The following KALRN variants were observed in gnomAD, a reference collection of about 807,000 sequenced individuals.
The protein encoded by KALRN is kalirin.
Under a neutral mutation model 353.7 loss-of-function variants are expected in KALRN, and 70 were observed. The observed-to-expected ratio is 0.20, with a 90% CI of 0.16 to 0.24. The LOEUF is 0.24. Among genes scored for constraint, KALRN ranks in the 10% least tolerant of loss-of-function variants. KALRN has a pLI of 1.00. For missense variants in KALRN, 2,791 were observed against 3,756.7 expected, an observed-to-expected ratio of 0.74 and a Z score of 6.72; for synonymous variants, 1,391 against 1,434.8, an observed-to-expected ratio of 0.97 and a Z score of 0.69.
At chr3:124,283,592 G>A (rs2075554399) in intron 5 of KALRN, among the ~76,000 whole-genome samples, 1 of 152,148 alleles carries the variant, frequency 6.6e-6, no homozygotes, top group Non-Finnish European at 1.5e-5. Flanking sequence ...GGTAATGAGT[G>A]TGTTGCCAGT....
rs2148579012 is a variant in KALRN, at chr3:124,234,880, A to G, written c.200A>G (p.Asn67Ser). The G allele has an allele frequency of 1.2e-6, 2 of 1,609,790 alleles. No homozygotes were observed. The highest frequency in any genetic ancestry group is 2.2e-5 in the East Asian group (1 of 44,694). ...GPILTFPARS[N>S]HDRIRQEDLR... is the part of the protein sequence containing the mutation. The stretch of plus-strand genomic sequence containing the variant: ...ATCCTGACCTTCCCTGCTCGCAGCA[A>G]TCATGACAGAATAAGACAGGAAGAC... The change falls in exon 3 of 60, where the codon AAT becomes AGT. Residue 67 changes from asparagine (N) to serine (S), a missense_variant. By Grantham distance (46) the Asn-to-Ser change is conservative. This residue lies in a region of KALRN where 110 missense variants were observed against 204.1 expected (regional missense o/e 0.54). Transcript: ENST00000682506.
chr3:124,297,106 A>G (rs2076907556), intron 5 of KALRN, among the ~76,000 whole-genome samples: 1 of 152,126 alleles, frequency 6.6e-6, no homozygotes, highest in Admixed American at 6.5e-5. Context: ...TATTTTAGTC[A>G]TTTTTGCCTC....
At chr3:124,390,557 CTGTACTGT>C (rs1006666872) in intron 11 of KALRN, among the ~76,000 whole-genome samples, 1 of 152,154 alleles carries the variant, frequency 6.6e-6, no homozygotes, top group Non-Finnish European at 1.5e-5. Context: ...ATTTTACTTG[CTGTACTGT>C]TGTACTGTTT....
At chr3:124,088,723 C>A (rs775399074) in intron 1 of KALRN, among the ~76,000 whole-genome samples, 13 of 152,258 alleles carry the variant, frequency 8.5e-5, no homozygotes, top group Non-Finnish European at 1.3e-4. Context: ...AGCCCTTTCC[C>A]AGTACCTCGA....
chr3:124,228,499 AG>A (rs1252391381), intron 2 of KALRN, among the ~76,000 whole-genome samples: 2 of 152,084 alleles, frequency 1.3e-5, no homozygotes, highest in Non-Finnish European at 2.9e-5. Flanking sequence ...TTAGATGTTT[AG>A]TTTTTGTTTT....
At chr3:124,616,691 C>T (rs374272823) in intron 34 of KALRN, among the ~76,000 whole-genome samples, 10 of 152,138 alleles carry the variant, frequency 6.6e-5, no homozygotes, top group Non-Finnish European at 1.0e-4. Flanking sequence ...ACTGGCCAGG[C>T]GCGGTAGCTC....
chr3:124,679,354 C>A, intron 50 of KALRN, 104 bp from the exon 51 acceptor site: 1 of 945,792 alleles, frequency 1.1e-6, no homozygotes, highest in Non-Finnish European at 1.7e-6. Context: ...TGCCCAAGAT[C>A]CCATCGCCCA....
intron 55 of KALRN, among the ~76,000 whole-genome samples, chr3:124,699,189 C>G (rs755877169): frequency 6.6e-6 from 1 of 152,140 alleles, no homozygotes; most frequent in African/African-American, 2.4e-5. Flanking sequence ...CAGGTTAGCA[C>G]AAAAGTATTA....
At chr3:124,329,724 C>A in intron 7 of KALRN, 137 bp from the exon 8 acceptor site, 1 of 906,330 alleles carries the variant, frequency 1.1e-6, no homozygotes, top group Non-Finnish European at 1.7e-6. Flanking sequence ...TAAAAAAACT[C>A]TACCCTCTAC....
At chr3:124,641,901 T>C (rs2082071989) in intron 37 of KALRN, among the ~76,000 whole-genome samples, 1 of 152,204 alleles carries the variant, frequency 6.6e-6, no homozygotes, top group Non-Finnish European at 1.5e-5. Context: ...TTCCTGGCCA[T>C]GTGAGAATCT....
rs758249671 is a variant in KALRN, at chr3:124,720,934, A to G, written c.*1464A>G. 4 of 152,226 alleles carry G rather than the reference A, an allele frequency of 2.6e-5. No individual in the cohort carries two copies. Among genetic ancestry groups the G allele is most frequent in the Admixed American group, 6.5e-5 (1 of 15,286 alleles). The allele number at this position is 152,226 out of a possible 1,614,324, so 9.4% of individuals were successfully genotyped here. On this transcript the variant is annotated 3_prime_UTR_variant, in exon 60 of 60. Coordinates refer to ENST00000682506, the MANE Select transcript of KALRN (RefSeq NM_001388419.1). ...GTTGAAAATTGCGATTATACAAGTA[A>G]GATTTTAAAAATGTAACTCAAGTGT... is the stretch of plus-strand genomic sequence containing the variant.
At chr3:124,441,710 C>T (rs951099472) in intron 18 of KALRN, among the ~76,000 whole-genome samples, 1 of 151,948 alleles carries the variant, frequency 6.6e-6, no homozygotes, top group African/African-American at 2.4e-5. Flanking sequence ...CCTGTAGTCC[C>T]AGCTACTCAG....
chr3:124,643,858 T>C (rs537868419), intron 37 of KALRN, among the ~76,000 whole-genome samples: 11 of 152,362 alleles, frequency 7.2e-5, no homozygotes, highest in Non-Finnish European at 1.5e-4. Flanking sequence ...ATGGTTACTG[T>C]AGTGAAGCAA....
chr3:124,129,569 T>C (rs2149679685), intron 1 of KALRN, among the ~76,000 whole-genome samples: 1 of 152,324 alleles, frequency 6.6e-6, no homozygotes, highest in East Asian at 1.9e-4. Context: ...TTCAATCTCC[T>C]GGACAATGGC....
At chr3:124,669,361 C>A (rs562337205) in intron 47 of KALRN, among the ~76,000 whole-genome samples, 3 of 152,094 alleles carry the variant, frequency 2.0e-5, no homozygotes. Flanking sequence ...CAAAAACAAA[C>A]CCTGTAGGGA....
intron 1 of KALRN, among the ~76,000 whole-genome samples, chr3:124,197,752 G>A (rs1257734440): frequency 6.6e-6 from 1 of 152,296 alleles, no homozygotes. Flanking sequence ...GCATAGGGAG[G>A]GATTTATCAG....
chr3:124,286,078 C>T (rs984400435), intron 5 of KALRN, among the ~76,000 whole-genome samples: 7 of 106,938 alleles, frequency 6.5e-5, no homozygotes, highest in African/African-American at 1.5e-4. Context: ...TTCTTTCTTT[C>T]CTTCCTTTCT....
At chr3:124,669,182 A>G (rs1340345202) in intron 47 of KALRN, among the ~76,000 whole-genome samples, 1 of 152,242 alleles carries the variant, frequency 6.6e-6, no homozygotes, top group Non-Finnish European at 1.5e-5. Context: ...AGTAAGTGAT[A>G]GAAACAGGAC....
chr3:124,094,262 T>C (rs1248432238), intron 1 of KALRN: 1 of 159,136 alleles, frequency 6.3e-6, no homozygotes, highest in Non-Finnish European at 1.4e-5. Flanking sequence ...AAAGGATCTG[T>C]GGCCTTTTAC....
Sources: gnomAD v4.1 joint callset for allele counts (sites outside exome capture counted in the v4.1 genomes callset) on GRCh38, gnomAD v4.1.1 for gene constraint, gnomAD v4.1.1 regional missense constraint, MANE v1.5 for transcripts, NCBI Gene and HGNC (gene_info 2026-07-23, HGNC 2026-07-21) for gene names.